Variants in EMILIN2 observed in about 807,000 individuals in gnomAD.
EMILIN2 encodes EMILIN-2.
EMILIN2 carries 71 observed loss-of-function variants against 87.1 expected under a neutral mutation model. The observed-to-expected ratio is 0.82, with a 90% CI of 0.67 to 0.99. The LOEUF (loss-of-function observed/expected upper bound fraction) is 0.99. Ranked by LOEUF, EMILIN2 falls within the 50% of genes least tolerant of loss-of-function variation. The pLI is 0.00. For synonymous variants in EMILIN2, 581 were observed against 563.4 expected, an observed-to-expected ratio of 1.03 and a Z score of -0.44; for missense variants, 1,407 against 1,371.8, an observed-to-expected ratio of 1.03 and a Z score of -0.40.
chr18:2,910,980 C>T (rs1293327990), intron 7 of EMILIN2, among the ~76,000 whole-genome samples: 1 of 152,192 alleles, frequency 6.6e-6, no homozygotes, highest in Admixed American at 6.5e-5. Flanking sequence ...CAGGCCTCTG[C>T]TCAGAGTGGC....
At position 2,913,705 on chromosome 18, in the gene EMILIN2, CCA is replaced by C. The variant is rs2076953632; in HGVS notation, c.*304_*305del. 9.6e-6 allele frequency: 3 copies of C among 311,544 alleles called. No individual in the cohort carries two copies. Among genetic ancestry groups the C allele is most frequent in the Admixed American group, 9.4e-5 (2 of 21,340 alleles). 19.3% of individuals were successfully genotyped at this position (311,544 alleles called of 1,614,324 possible). A position where few individuals can be genotyped will look rare whatever the true frequency, so the allele number is the denominator to read the frequency against. ...GGGCCCTGGACTGGGCCTGAGCTTG[CCA>C]CAGAGGCTCCGTCTGACTGTGGGCT... is the stretch of plus-strand genomic sequence containing the variant. On this transcript the variant is annotated 3_prime_UTR_variant, in exon 8 of 8. Transcript: ENST00000254528.
At chr18:2,900,142 T>TG (rs35109460) in intron 4 of EMILIN2, among the ~76,000 whole-genome samples, 1 of 147,640 alleles carries the variant, frequency 6.8e-6, no homozygotes, top group Non-Finnish European at 1.5e-5. Flanking sequence ...GTTTTTTTTT[T>TG]CATTCAAACC....
intron 2 of EMILIN2, among the ~76,000 whole-genome samples, chr18:2,877,250 G>A (rs2076753370): frequency 6.6e-6 from 1 of 151,974 alleles, no homozygotes; most frequent in African/African-American, 2.4e-5. Context: ...AATGGGAAAT[G>A]TTTCTTCCAC....
intron 2 of EMILIN2, among the ~76,000 whole-genome samples, chr18:2,879,684 A>C (rs184214656): frequency 3.3e-5 from 5 of 150,628 alleles, no homozygotes; most frequent in African/African-American, 1.2e-4. Context: ...ACCCCCCCCA[A>C]AAAAAGAAAG....
chr18:2,868,338 C>T (rs2076700171), intron 2 of EMILIN2, among the ~76,000 whole-genome samples: 1 of 152,170 alleles, frequency 6.6e-6, no homozygotes, highest in East Asian at 1.9e-4. Flanking sequence ...CAGAGGGGCT[C>T]CTCACATCCC....
chr18:2,868,388 C>T (rs989196426), intron 2 of EMILIN2, among the ~76,000 whole-genome samples: 1 of 152,182 alleles, frequency 6.6e-6, no homozygotes, highest in African/African-American at 2.4e-5. Flanking sequence ...CTCACTTCCC[C>T]GACAGGGTGG....
At chr18:2,888,510 T>C (rs979881868) in intron 3 of EMILIN2, among the ~76,000 whole-genome samples, 1 of 151,990 alleles carries the variant, frequency 6.6e-6, no homozygotes, top group African/African-American at 2.4e-5. Flanking sequence ...GGTCAGGAGA[T>C]GGAGACCATC....
chr18:2,904,315 A>G (rs1440566034), intron 4 of EMILIN2, among the ~76,000 whole-genome samples: 2 of 152,128 alleles, frequency 1.3e-5, no homozygotes, highest in Non-Finnish European at 2.9e-5. Context: ...TTGTGCTGGC[A>G]TCTTTCATTT....
rs1000157175 is a variant in EMILIN2, at chr18:2,851,748, G to C, written c.257+3817G>C. 2.6e-5 allele frequency among the ~76,000 whole-genome samples: 4 copies of C among 152,188 alleles called. No individual in the cohort carries two copies. The East Asian group carries it at 7.7e-4, about 29-fold the overall frequency. ...TTATGTGCAACCAGGAACAGAAGGG[G>C]TTTTTATATAAGTGGGCATTTTAAG... is the stretch of plus-strand genomic sequence containing the variant. On this transcript the variant is annotated intron_variant, in intron 2 of 7. Coordinates refer to ENST00000254528, the MANE Select transcript of EMILIN2 (RefSeq NM_032048.3).
In EMILIN2 at chr18:2,898,982, C is replaced by T. The variant is rs1002793970; in HGVS notation, c.2359+6496C>T. Among the ~76,000 whole-genome samples, 6 of 152,254 alleles carry T rather than the reference C, an allele frequency of 3.9e-5. No homozygotes were observed. In the East Asian group the frequency reaches 7.7e-4, roughly 20 times the overall value. On this transcript the variant is annotated intron_variant, in intron 4 of 7. Coordinates refer to ENST00000254528, the MANE Select transcript of EMILIN2 (RefSeq NM_032048.3). ...ACGATGCCCTTTGGTTCGTGTAAACCGCAGCTGCTCTACTGCATCTTAGCC... is the reference window on the plus strand; with the variant it reads ...ACGATGCCCTTTGGTTCGTGTAAACTGCAGCTGCTCTACTGCATCTTAGCC...
chr18:2,846,393 G>A (rs1568446211), upstream of EMILIN2, among the ~76,000 whole-genome samples: 1 of 152,228 alleles, frequency 6.6e-6, no homozygotes, highest in African/African-American at 2.4e-5. This position sits in a 1 kb window ranked among gnomAD's most constrained non-coding sequence, Gnocchi z 5.3. Flanking sequence ...TGATAGAGCC[G>A]GACGCTGAGC....
chr18:2,868,775 C>CCGTGGAAAGAGAGGGAGAG (rs2076703894), intron 2 of EMILIN2, among the ~76,000 whole-genome samples: 2 of 151,748 alleles, frequency 1.3e-5, no homozygotes, highest in Admixed American at 6.6e-5. Context: ...CGGCATCAGA[C>CCGTGGAAAGAGAGGGAGAG]GGAGACCGTG....
In EMILIN2 at chr18:2,847,045, G is replaced by A. The variant is rs2076577615; in HGVS notation, c.-144G>A. The A allele has an allele frequency of 2.8e-6, 3 of 1,061,816 alleles. No individual in the cohort carries two copies. The highest frequency in any genetic ancestry group is 2.5e-5 in the South Asian group (1 of 39,728). 65.8% of individuals were successfully genotyped at this position (1,061,816 alleles called of 1,614,324 possible). ...GAACGAGAAGCCGGAGGGGGCGGCC[G>A]CGGAGCACTGGTTGGAGCGCCGCGA... On this transcript the variant is annotated 5_prime_UTR_variant, in exon 1 of 8. Coordinates refer to ENST00000254528, the MANE Select transcript of EMILIN2 (RefSeq NM_032048.3). The surrounding 1 kb of genome is among the most constrained non-coding windows in gnomAD (Gnocchi z 4.5).
At chr18:2,859,672 A>G (rs1165217722) in intron 2 of EMILIN2, among the ~76,000 whole-genome samples, 22 of 152,134 alleles carry the variant, frequency 1.4e-4, no homozygotes, top group Non-Finnish European at 1.5e-5. Flanking sequence ...GGCTTTTCCA[A>G]TGTTATCTTC....
In EMILIN2 at chr18:2,890,038, G is replaced by A. The variant is rs748496764; in HGVS notation, c.434-523G>A. Among the ~76,000 whole-genome samples, 4 of 151,786 alleles carry A rather than the reference G, an allele frequency of 2.6e-5. No homozygotes were observed. Among genetic ancestry groups the A allele is most frequent in the South Asian group, 4.2e-4 (2 of 4,810 alleles). On this transcript the variant is annotated intron_variant, in intron 3 of 7. Coordinates refer to ENST00000254528, the MANE Select transcript of EMILIN2 (RefSeq NM_032048.3). This position sits in a 1 kb window ranked among gnomAD's most constrained non-coding sequence, Gnocchi z 4.7. ...CAAAACATTCAGGCACTGCTTTGAG[G>A]ATAACATCAGAAAATATGATATCAT...
intron 2 of EMILIN2, among the ~76,000 whole-genome samples, chr18:2,860,824 CA>C (rs1356866028): frequency 6.6e-5 from 10 of 152,290 alleles, no homozygotes; most frequent in African/African-American, 2.2e-4. Flanking sequence ...CTGACTTCCA[CA>C]ATGGTTGAAC....
At chr18:2,907,596 T>C (rs1045594643) in intron 5 of EMILIN2, among the ~76,000 whole-genome samples, 4 of 152,212 alleles carry the variant, frequency 2.6e-5, no homozygotes, top group Non-Finnish European at 5.9e-5. Flanking sequence ...AGTGCCCCAC[T>C]GGGAAGTGCT....
chr18:2,854,364 T>A (rs1304816908), intron 2 of EMILIN2, among the ~76,000 whole-genome samples: 1 of 152,164 alleles, frequency 6.6e-6, no homozygotes, highest in Non-Finnish European at 1.5e-5. Context: ...CAGCAGGTGT[T>A]GAGTTCCGTG....
intron 4 of EMILIN2, among the ~76,000 whole-genome samples, chr18:2,900,370 G>T (rs2076883203): frequency 6.6e-6 from 1 of 152,068 alleles, no homozygotes; most frequent in Admixed American, 6.6e-5. Flanking sequence ...AAAATTTTTT[G>T]TCGAGACAGA....
Sources: allele counts gnomAD v4.1 joint callset (sites outside exome capture counted in the v4.1 genomes callset), GRCh38; gene constraint gnomAD v4.1.1; non-coding constraint Gnocchi (gnomAD v3.1); transcripts MANE v1.5; gene names NCBI Gene and HGNC (gene_info 2026-07-23, HGNC 2026-07-21).